SPG11: variants seen among roughly 807,000 people sequenced by gnomAD.
SPG11 encodes spatacsin.
A neutral mutation model predicts 274.0 loss-of-function variants in SPG11; 222 were observed. That is an observed-to-expected ratio of 0.81 (90% confidence interval 0.73 to 0.91). The LOEUF (loss-of-function observed/expected upper bound fraction) is 0.91, where lower values mean the gene tolerates loss of function less well. Ranked by LOEUF, SPG11 falls within the 40% of genes least tolerant of loss-of-function variation. The pLI is 0.00. For synonymous variants in SPG11, 1,144 were observed against 1,039.7 expected, an observed-to-expected ratio of 1.10 and a Z score of -1.93; for missense variants, 3,114 against 2,872.7, an observed-to-expected ratio of 1.08 and a Z score of -1.92.
Position 44,613,529 on chromosome 15 carries a change from G to T in SPG11, c.3046C>A (p.Pro1016Thr). 1 of 1,607,694 alleles carries T rather than the reference G, an allele frequency of 6.2e-7. No homozygotes were observed. Among genetic ancestry groups the T allele is most frequent in the Non-Finnish European group, 8.5e-7 (1 of 1,174,452 alleles). Residue 1016 changes from proline (P) to threonine (T), a missense_variant, in exon 17 of 40, where the codon CCT becomes ACT. By Grantham distance (38) the Pro-to-Thr change is conservative. Transcript: ENST00000261866. The part of the protein sequence containing the change: ...YVYLDCYKLS[P>T]ENCPFLEKKE... The stretch of plus-strand genomic sequence containing the variant: ...TTTTCCAAAAAGGGACAATTTTCAG[G>T]ACTAAGTCTGTATATAAAACAAACA...
In SPG11 at chr15:44,625,025, C is replaced by T. The variant is rs548644296; in HGVS notation, c.2244+1306G>A. On this transcript the variant is annotated intron_variant, in intron 11 of 39. Transcript: ENST00000261866. Reference sequence around the variant, plus strand: ...GTGGCGCATGCTGTAAACCCAGCTACTCAGGAAGCTGACGTAGGAGAATCG... The same window carrying T: ...GTGGCGCATGCTGTAAACCCAGCTATTCAGGAAGCTGACGTAGGAGAATCG... Among the ~76,000 whole-genome samples the T allele has an allele frequency of 2.0e-5, 3 of 151,764 alleles. No individual in the cohort carries two copies. In the South Asian group the frequency reaches 6.2e-4, roughly 32 times the overall value.
rs2082450191 is a variant in SPG11, at chr15:44,572,799, G to C, written c.6227C>G (p.Pro2076Arg). The C allele has an allele frequency of 6.2e-7, 1 of 1,613,840 alleles. No individual in the cohort carries two copies. Among genetic ancestry groups the C allele is most frequent in the South Asian group, 1.1e-5 (1 of 91,074 alleles). ...AAGAAATGTCTGGCTTTCCTCTGTT[G>C]GGTTGAACATCTGCTTATGTCCTGT... ...QGTGHKQMFN[P>R]TEESQTFLQL... Residue 2076 changes from proline (P) to arginine (R), a missense_variant, in exon 33 of 40, where the codon CCA becomes CGA. Physicochemically the swap from Pro to Arg is moderately radical, Grantham distance 103 (BLOSUM62 -2). Transcript: ENST00000261866.
intron 29 of SPG11, among the ~76,000 whole-genome samples, 175 bp from the exon 30 acceptor site, chr15:44,584,733 G>C (rs1414821178): frequency 6.6e-6 from 1 of 152,162 alleles, no homozygotes; most frequent in African/African-American, 2.4e-5. Context: ...GGACCCAAGA[G>C]ATCCTCCCAC....
intron 27 of SPG11, 123 bp from the exon 28 acceptor site, chr15:44,589,537 C>T: frequency 8.6e-7 from 1 of 1,157,790 alleles, no homozygotes; most frequent in Non-Finnish European, 1.3e-6. Context: ...TGTCATGAGG[C>T]ACTTACTCAG....
Position 44,615,380 on chromosome 15 carries a change from G to T in SPG11, c.3021C>A (p.Val1007=). 6.2e-7 allele frequency: 1 copy of T among 1,613,774 alleles called. No individual in the cohort carries two copies. The highest frequency in any genetic ancestry group is 1.1e-5 in the South Asian group (1 of 91,074). ...LEHSLQHLLY[V]YLDCYKLSPE... ...GTACTCACTTGTAACAGTCAAGGTA[G>T]ACATAAAGAAGATGCTGCAGACTGT... The change falls in exon 16 of 40, where the codon GTC becomes GTA. Residue 1007 remains valine (V), a synonymous_variant. Coordinates refer to ENST00000261866, the MANE Select transcript of SPG11 (RefSeq NM_025137.4).
In SPG11 at chr15:44,564,402, C is replaced by T. The variant is rs1595815046; in HGVS notation, c.7151+145G>A. The T allele has an allele frequency of 1.2e-5, 9 of 756,026 alleles. No homozygotes were observed. The East Asian group carries it at 2.1e-4, about 18-fold the overall frequency. 46.8% of individuals were successfully genotyped at this position (756,026 alleles called of 1,614,324 possible). On this transcript the variant is annotated intron_variant, in intron 39 of 39. Transcript: ENST00000261866. Reference sequence around the variant, plus strand: ...TTTGCATAAATCTGTTAAAAGACTTCCTTCTAAGGATTCTTGATACTGCTT... The same window carrying T: ...TTTGCATAAATCTGTTAAAAGACTTTCTTCTAAGGATTCTTGATACTGCTT...
Position 44,569,492 on chromosome 15 carries a change from G to T in SPG11, c.6491C>A (p.Thr2164Asn). Residue 2164 changes from threonine to asparagine, a missense_variant, in exon 35 of 40, where the codon ACT becomes AAT. By Grantham distance (65) the Thr-to-Asn change is moderately conservative. Coordinates refer to ENST00000261866, the MANE Select transcript of SPG11 (RefSeq NM_025137.4). ...CATCTCGTTGTACCTTCCAATGCCA[G>T]TGAGGAGCCGTACCTGTGAAGTGGG... Reference protein sequence around the residue: ...EEYGLVVRLLTGIGRYNEMTY... With the variant: ...EEYGLVVRLLNGIGRYNEMTY... The T allele has an allele frequency of 2.5e-6, 4 of 1,590,730 alleles. No individual in the cohort carries two copies. Among genetic ancestry groups the T allele is most frequent in the Non-Finnish European group, 2.6e-6 (3 of 1,167,530 alleles).
rs1226426496 is a variant in SPG11, at chr15:44,596,302, C to T, written c.4215G>A (p.Leu1405=). ...GCACTGAGGGCAAGTTCTCAAAAGC[C>T]AGCCTTAAGTGGTCTTGAATGACTG... ...FSPVIQDHLR[L]AFENLPSVPT... The change falls in exon 25 of 40, where the codon CTG becomes CTA. Residue 1405 remains leucine (L), a synonymous_variant. Coordinates refer to ENST00000261866, the MANE Select transcript of SPG11 (RefSeq NM_025137.4). 2 of 1,614,146 alleles carry T rather than the reference C, an allele frequency of 1.2e-6. No individual in the cohort carries two copies. Among genetic ancestry groups the T allele is most frequent in the East Asian group, 2.2e-5 (1 of 44,886 alleles).
At chr15:44,629,166 A>G in intron 9 of SPG11, 67 bp downstream of exon 9, 3 of 1,552,638 alleles carry the variant, frequency 1.9e-6, no homozygotes, top group South Asian at 2.2e-5. Context: ...GTCACCCAAT[A>G]GCAGCACTTG....
chr15:44,661,124 T>C (rs1220453135), intron 1 of SPG11, among the ~76,000 whole-genome samples: 1 of 152,228 alleles, frequency 6.6e-6, no homozygotes, highest in Non-Finnish European at 1.5e-5. Context: ...ATATTAGCAT[T>C]GCCCAATACA....
intron 6 of SPG11, 52 bp downstream of exon 6, chr15:44,651,439 G>A: frequency 6.6e-7 from 1 of 1,511,054 alleles, no homozygotes; most frequent in Non-Finnish European, 9.2e-7. Flanking sequence ...AAATACAGTA[G>A]GAAAGCATAC....
chr15:44,633,706 T>C, intron 7 of SPG11, 69 bp from the exon 8 acceptor site: 1 of 1,520,662 alleles, frequency 6.6e-7, no homozygotes, highest in Non-Finnish European at 9.0e-7. Flanking sequence ...GATTCAGATT[T>C]TTAAACAAAC....
At chr15:44,593,034 A>G (rs1043722651) in intron 26 of SPG11, among the ~76,000 whole-genome samples, 6 of 152,136 alleles carry the variant, frequency 3.9e-5, no homozygotes, top group Middle Eastern at 3.4e-3. Flanking sequence ...AGATTAAATC[A>G]TGTACGTTAA....
chr15:44,569,168 A>AAAAAAAAAAAGAAAAAG (rs2082365929), intron 35 of SPG11, among the ~76,000 whole-genome samples: 1 of 151,490 alleles, frequency 6.6e-6, no homozygotes, highest in Non-Finnish European at 1.5e-5. Context: ...CCGTCTCAAA[A>AAAAAAAAAAAGAAAAAG]AAAAAAAAAA....
At chr15:44,658,266 A>G (rs538571831) in intron 3 of SPG11, among the ~76,000 whole-genome samples, 2 of 152,334 alleles carry the variant, frequency 1.3e-5, no homozygotes, top group African/African-American at 2.4e-5. Flanking sequence ...CCAAAATCAT[A>G]TAAGGGGTAA....
In SPG11 at chr15:44,608,431, C is replaced by A. The variant is rs1314633394; in HGVS notation, c.3453+13G>T. The A allele has an allele frequency of 6.2e-7, 1 of 1,613,848 alleles. No individual in the cohort carries two copies. The highest frequency in any genetic ancestry group is 8.5e-7 in the Non-Finnish European group (1 of 1,179,806). On this transcript the variant is annotated intron_variant, in intron 19 of 39. Coordinates refer to ENST00000261866, the MANE Select transcript of SPG11 (RefSeq NM_025137.4). Reference sequence around the variant, plus strand: ...TCTGATAGACCTAAATATTGGCCACCTAAATACTGTACCTGAATAAGGTGG... The same window carrying A: ...TCTGATAGACCTAAATATTGGCCACATAAATACTGTACCTGAATAAGGTGG...
chr15:44,567,552 CG>C lies in SPG11; in HGVS notation c.6625del (p.Arg2209AlafsTer12). On this transcript the variant is annotated frameshift_variant, in exon 36 of 40. Coordinates refer to ENST00000261866, the MANE Select transcript of SPG11 (RefSeq NM_025137.4). LOFTEE classifies it high-confidence loss of function. The part of the protein sequence containing the change: ...LKTALLDYIK[R>X]CRPGDSEKHN... ...CTTTTCACTGTCTCCAGGACGGCAG[CG>C]TTTGATGTAGTCCAGCAGGGCTGTT... 1.2e-6 allele frequency: 2 copies of C among 1,613,904 alleles called. No homozygotes were observed. Among genetic ancestry groups the C allele is most frequent in the Non-Finnish European group, 1.7e-6 (2 of 1,179,968 alleles).
At chr15:44,633,475 T>C in intron 8 of SPG11, 30 bp downstream of exon 8, 1 of 1,527,498 alleles carries the variant, frequency 6.5e-7, no homozygotes, top group Non-Finnish European at 9.0e-7. Context: ...AAATGATAAA[T>C]ACAAATGTAG....
intron 20 of SPG11, among the ~76,000 whole-genome samples, chr15:44,602,717 C>T (rs187316249): frequency 4.1e-4 from 62 of 152,120 alleles, no homozygotes; most frequent in Admixed American, 1.8e-3. Context: ...CTCCTGACCT[C>T]GTGATCTACC....
Sources: gnomAD v4.1 joint callset for allele counts (sites outside exome capture counted in the v4.1 genomes callset) on GRCh38, gnomAD v4.1.1 for gene constraint, MANE v1.5 for transcripts, NCBI Gene and HGNC (gene_info 2026-07-23, HGNC 2026-07-21) for gene names.